TTC28: variants seen among roughly 807,000 people sequenced by gnomAD.
TTC28 encodes the protein tetratricopeptide repeat protein 28.
Under a neutral mutation model 198.0 loss-of-function variants are expected in TTC28, and 61 were observed. The ratio of observed to expected loss-of-function variants is 0.31; its 90% CI spans 0.25 to 0.38. TTC28 has a LOEUF of 0.38. Among genes scored for constraint, TTC28 ranks in the 10% least tolerant of loss-of-function variants. TTC28 has a pLI of 1.00. For missense variants in TTC28, 2,678 were observed against 3,164.0 expected, an observed-to-expected ratio of 0.85 and a Z score of 3.69; for synonymous variants, 1,171 against 1,297.8, an observed-to-expected ratio of 0.90 and a Z score of 2.10.
intron 2 of TTC28, among the ~76,000 whole-genome samples, chr22:28,449,308 G>A (rs139617219): frequency 1.1e-4 from 17 of 152,324 alleles, no homozygotes; most frequent in Admixed American, 3.3e-4. Context: ...ACATTAGCAA[G>A]CATCTAATAG....
At chr22:28,231,117 A>T (rs1385762590) in intron 5 of TTC28, among the ~76,000 whole-genome samples, 1 of 152,234 alleles carries the variant, frequency 6.6e-6, no homozygotes, top group Non-Finnish European at 1.5e-5. Flanking sequence ...ACAACTACTG[A>T]CTACATATCT....
intron 2 of TTC28, among the ~76,000 whole-genome samples, chr22:28,530,559 C>T (rs138707070): frequency 1.0e-3 from 159 of 152,204 alleles, no homozygotes; most frequent in African/African-American, 3.6e-3. Context: ...ATACAGAGAA[C>T]GCCACAAAGA....
At chr22:28,200,645 A>G (rs1254412653) in intron 5 of TTC28, among the ~76,000 whole-genome samples, 1 of 152,142 alleles carries the variant, frequency 6.6e-6, no homozygotes, top group Non-Finnish European at 1.5e-5. Context: ...CACTGAGAAC[A>G]TAAGAGCCAT....
intron 12 of TTC28, among the ~76,000 whole-genome samples, chr22:28,038,225 A>G: frequency 6.6e-6 from 1 of 152,218 alleles, no homozygotes; most frequent in East Asian, 1.9e-4. Flanking sequence ...ATCCTAAGCC[A>G]AAAGAACAAA....
At chr22:28,098,602 C>T (rs1942041513) in intron 10 of TTC28, among the ~76,000 whole-genome samples, 1 of 151,690 alleles carries the variant, frequency 6.6e-6, no homozygotes, top group African/African-American at 2.4e-5. Flanking sequence ...CTGAGTTTAT[C>T]CTAGTGCCAA....
At chr22:28,359,792 A>G (rs889246866) in intron 2 of TTC28, among the ~76,000 whole-genome samples, 4 of 152,168 alleles carry the variant, frequency 2.6e-5, no homozygotes, top group African/African-American at 4.8e-5. Flanking sequence ...CACAGGAAAG[A>G]TGTCTTATCA....
rs140273664 is a variant in TTC28, at chr22:28,301,026, TACAC to T, written c.530-3178_530-3175del. Among the ~76,000 whole-genome samples the T allele has an allele frequency of 6.9e-3, 1,050 of 152,340 alleles. 15 individuals are homozygous for T. Among genetic ancestry groups the T allele is most frequent in the African/African-American group, 0.022 (924 of 41,572 alleles). ...ATGTATGTCAATGTGTACAGATACATACACACAAAAGTCCATTTCACTGTATATA... is the reference window on the plus strand; with the variant it reads ...ATGTATGTCAATGTGTACAGATACATACAAAAGTCCATTTCACTGTATATA... On this transcript the variant is annotated intron_variant, in intron 3 of 22. Coordinates refer to ENST00000397906, the MANE Select transcript of TTC28 (RefSeq NM_001145418.2).
At chr22:28,394,898 GCA>G (rs1279325296) in intron 2 of TTC28, among the ~76,000 whole-genome samples, 1 of 152,068 alleles carries the variant, frequency 6.6e-6, no homozygotes, top group Non-Finnish European at 1.5e-5. Flanking sequence ...ACACACTGGA[GCA>G]CACACATAGT....
chr22:28,419,056 T>C (rs570283025), intron 2 of TTC28, among the ~76,000 whole-genome samples: 1 of 152,230 alleles, frequency 6.6e-6, no homozygotes, highest in Admixed American at 6.5e-5. Context: ...CCTAGATTAT[T>C]ATAATGACCA....
At chr22:28,536,122 C>A (rs1014600014) in intron 2 of TTC28, among the ~76,000 whole-genome samples, 3 of 149,140 alleles carry the variant, frequency 2.0e-5, no homozygotes, top group African/African-American at 4.9e-5. Flanking sequence ...TGGCGGGAAC[C>A]CGGGAGGCGG....
chr22:28,267,809 T>C (rs1394364922), intron 5 of TTC28, among the ~76,000 whole-genome samples: 1 of 152,170 alleles, frequency 6.6e-6, no homozygotes, highest in Non-Finnish European at 1.5e-5. Flanking sequence ...CCAAATTTCT[T>C]TGCTCAAGTG....
chr22:28,069,199 T>C (rs945545458), intron 12 of TTC28, among the ~76,000 whole-genome samples: 30 of 152,224 alleles, frequency 2.0e-4, no homozygotes, highest in Non-Finnish European at 2.9e-4. Context: ...CCAGGAGGCA[T>C]GTTGGCACTC....
chr22:28,521,125 G>C (rs2048897082), intron 2 of TTC28, among the ~76,000 whole-genome samples: 2 of 152,040 alleles, frequency 1.3e-5, no homozygotes, highest in Admixed American at 1.3e-4. Flanking sequence ...TGAGGCAAGG[G>C]GCAGTGGCTC....
chr22:28,485,713 T>C (rs2048306992), intron 2 of TTC28, among the ~76,000 whole-genome samples: 1 of 152,172 alleles, frequency 6.6e-6, no homozygotes, highest in Non-Finnish European at 1.5e-5. Flanking sequence ...AAAATGAGCA[T>C]GTAGTCATTC....
chr22:28,099,187 G>A, intron 9 of TTC28, 143 bp from the exon 10 acceptor site: 1 of 1,189,572 alleles, frequency 8.4e-7, no homozygotes, highest in Non-Finnish European at 1.2e-6. Context: ...TGATGTCCAG[G>A]TGTAAGGAAA....
At chr22:28,332,447 A>T (rs1229891177) in intron 2 of TTC28, among the ~76,000 whole-genome samples, 1 of 152,082 alleles carries the variant, frequency 6.6e-6, no homozygotes, top group Admixed American at 6.6e-5. Flanking sequence ...AAGCTCACAG[A>T]TGACTATATT....
At chr22:28,663,005 T>A (rs1041802848) in intron 1 of TTC28, among the ~76,000 whole-genome samples, 1 of 151,924 alleles carries the variant, frequency 6.6e-6, no homozygotes, top group African/African-American at 2.4e-5. Context: ...TCCCAGTACT[T>A]TGGGAGGCTG....
chr22:28,275,184 T>C (rs1932343668), intron 5 of TTC28, among the ~76,000 whole-genome samples: 1 of 152,182 alleles, frequency 6.6e-6, no homozygotes, highest in Non-Finnish European at 1.5e-5. Flanking sequence ...GGAAGTTCTA[T>C]AAGAAATTTT....
intron 5 of TTC28, among the ~76,000 whole-genome samples, chr22:28,168,724 A>G (rs1453291087): frequency 6.6e-6 from 1 of 152,250 alleles, no homozygotes. Flanking sequence ...AAACCCTAGA[A>G]GAAAACCTAG....
Sources: gnomAD v4.1 joint callset for allele counts (sites outside exome capture counted in the v4.1 genomes callset) on GRCh38, gnomAD v4.1.1 for gene constraint, MANE v1.5 for transcripts, NCBI Gene and HGNC (gene_info 2026-07-23, HGNC 2026-07-21) for gene names.